Variants in PIP5K1B observed in about 807,000 individuals in gnomAD.
PIP5K1B encodes phosphatidylinositol-4-phosphate 5-kinase type 1 beta.
A neutral mutation model predicts 67.0 loss-of-function variants in PIP5K1B; 42 were observed. That is an observed-to-expected ratio of 0.63 (90% CI 0.49 to 0.81). PIP5K1B has a LOEUF of 0.81. PIP5K1B is among the 30% of genes least tolerant of loss of function. The pLI is 0.00. For synonymous variants in PIP5K1B, 214 were observed against 231.4 expected (o/e 0.92, Z 0.68); for missense variants, 459 against 646.3 (o/e 0.71, Z 3.14).
At chr9:69,001,504 T>C (rs1414821353) in intron 15 of PIP5K1B, among the ~76,000 whole-genome samples, 1 of 151,832 alleles carries the variant, frequency 6.6e-6, no homozygotes, top group Non-Finnish European at 1.5e-5. Flanking sequence ...AGGAAAGCGG[T>C]TTAATTAACT....
chr9:68,878,397 T>C (rs1824009611), intron 6 of PIP5K1B, among the ~76,000 whole-genome samples: 1 of 152,190 alleles, frequency 6.6e-6, no homozygotes, highest in Admixed American at 6.5e-5. Flanking sequence ...TTGGGGAAGA[T>C]CCTTTTCTGA....
chr9:68,763,448 T>C (rs900546806), intron 2 of PIP5K1B, among the ~76,000 whole-genome samples: 1 of 152,088 alleles, frequency 6.6e-6, no homozygotes, highest in Admixed American at 6.6e-5. Context: ...AGGCTTGATA[T>C]ATAAAAAAGC....
At chr9:68,975,239 T>G (rs1018829189) in intron 14 of PIP5K1B, among the ~76,000 whole-genome samples, 2 of 152,158 alleles carry the variant, frequency 1.3e-5, no homozygotes, top group African/African-American at 2.4e-5. Flanking sequence ...CAGCTAATGT[T>G]TATATTTTTT....
intron 4 of PIP5K1B, among the ~76,000 whole-genome samples, chr9:68,847,197 A>G (rs1375145019): frequency 6.6e-6 from 1 of 151,958 alleles, no homozygotes; most frequent in African/African-American, 2.4e-5. Context: ...CTCCTTAGCT[A>G]AATACATTCT....
intron 2 of PIP5K1B, among the ~76,000 whole-genome samples, chr9:68,769,947 T>TA (rs763927938): frequency 5.9e-5 from 9 of 152,364 alleles, no homozygotes; most frequent in Non-Finnish European, 1.2e-4. Flanking sequence ...TCCAGTTTCT[T>TA]ACCACCTGCC....
At chr9:68,955,136 G>C (rs1351552663) in intron 14 of PIP5K1B, among the ~76,000 whole-genome samples, 2 of 152,322 alleles carry the variant, frequency 1.3e-5, no homozygotes, top group South Asian at 4.1e-4. Flanking sequence ...GTGCTACAGG[G>C]TGAAAACTGC....
intron 8 of PIP5K1B, among the ~76,000 whole-genome samples, chr9:68,908,438 A>G (rs1237711521): frequency 2.9e-5 from 4 of 139,326 alleles, no homozygotes; most frequent in South Asian, 2.2e-4. Flanking sequence ...TTAAGTGTGG[A>G]AAAAAAAAAA....
chr9:68,905,330 AGGCTTTGAGGTT>A (rs1396677901), intron 8 of PIP5K1B, among the ~76,000 whole-genome samples: 1 of 152,180 alleles, frequency 6.6e-6, no homozygotes, highest in Non-Finnish European at 1.5e-5. Context: ...GTATCTGGAA[AGGCTTTGAGGTT>A]GGCTGCTGTG....
intron 9 of PIP5K1B, among the ~76,000 whole-genome samples, chr9:68,918,534 C>T (rs563381188): frequency 6.6e-6 from 1 of 152,316 alleles, no homozygotes; most frequent in East Asian, 1.9e-4. Context: ...GTAGTAACTA[C>T]AGGATTAATT....
At chr9:69,006,572 CA>C (rs1831092007) in intron 15 of PIP5K1B, among the ~76,000 whole-genome samples, 1 of 152,196 alleles carries the variant, frequency 6.6e-6, no homozygotes, top group African/African-American at 2.4e-5. Context: ...TTCAGAGACT[CA>C]AAGACAACTA....
chr9:68,783,836 A>G (rs1423717332), intron 2 of PIP5K1B: 2 of 167,076 alleles, frequency 1.2e-5, no homozygotes, highest in African/African-American at 2.4e-5. Flanking sequence ...AACTAGAGTC[A>G]TTCTTTTAAA....
chr9:68,930,174 G>A (rs1296703874), intron 12 of PIP5K1B, among the ~76,000 whole-genome samples: 2 of 152,102 alleles, frequency 1.3e-5, no homozygotes, highest in Non-Finnish European at 2.9e-5. Context: ...CTCTGACTCG[G>A]TCTCTTCTTA....
At chr9:68,943,839 C>T (rs536036736) in intron 14 of PIP5K1B, among the ~76,000 whole-genome samples, 91 of 152,280 alleles carry the variant, frequency 6.0e-4, no homozygotes, top group African/African-American at 2.1e-3. Context: ...TAGCAGTTGT[C>T]ATTCTGTCAG....
intron 1 of PIP5K1B, among the ~76,000 whole-genome samples, chr9:68,714,376 A>T (rs1827536329): frequency 6.6e-6 from 1 of 152,100 alleles, no homozygotes; most frequent in African/African-American, 2.4e-5. Flanking sequence ...ATGTCTATTG[A>T]TTTTGCTTCC....
intron 14 of PIP5K1B, among the ~76,000 whole-genome samples, chr9:68,987,811 A>G (rs768004264): frequency 6.6e-6 from 1 of 152,126 alleles, no homozygotes; most frequent in African/African-American, 2.4e-5. Flanking sequence ...AAAACATCAT[A>G]ACTCATGAGA....
At position 68,854,027 on chromosome 9, in the gene PIP5K1B, T is replaced by A. The variant is rs1437979812; in HGVS notation, c.70-9810T>A. Reference sequence around the variant, plus strand: ...TGGCTACCAAAAGCATATATAAGTTTTTATTATTATTATTATTATTATTAT... The same window carrying A: ...TGGCTACCAAAAGCATATATAAGTTATTATTATTATTATTATTATTATTAT... On this transcript the variant is annotated intron_variant, in intron 4 of 15. Transcript: ENST00000265382. Among the ~76,000 whole-genome samples the A allele has an allele frequency of 4.7e-5, 7 of 147,872 alleles. No individual in the cohort carries two copies. In the East Asian group the frequency reaches 1.4e-3, roughly 29 times the overall value.
At chr9:68,937,175 A>G (rs1306556454) in intron 13 of PIP5K1B, among the ~76,000 whole-genome samples, 1 of 152,188 alleles carries the variant, frequency 6.6e-6, no homozygotes, top group Non-Finnish European at 1.5e-5. Context: ...GAATAGTTTC[A>G]GAAGAAATGG....
At chr9:68,991,983 G>GC (rs973239879) in intron 15 of PIP5K1B, among the ~76,000 whole-genome samples, 1 of 151,986 alleles carries the variant, frequency 6.6e-6, no homozygotes, top group Non-Finnish European at 1.5e-5. Context: ...TTTTTGGGGG[G>GC]GGGCAGAGTT....
In PIP5K1B at chr9:68,914,663, C is replaced by T. The variant is rs193089619; in HGVS notation, c.772-2885C>T. 3.5e-3 allele frequency among the ~76,000 whole-genome samples: 527 copies of T among 151,888 alleles called. 1 individual carries two copies. The highest frequency in any genetic ancestry group is 0.012 in the African/African-American group (485 of 41,414). On this transcript the variant is annotated intron_variant, in intron 8 of 15. Coordinates refer to ENST00000265382, the MANE Select transcript of PIP5K1B (RefSeq NM_003558.4). Reference sequence around the variant, plus strand: ...CCGGGAGGTGGAGCTTGCAGTGAGCCGAGATTGCACCACTGCACTCCAGCC... The same window carrying T: ...CCGGGAGGTGGAGCTTGCAGTGAGCTGAGATTGCACCACTGCACTCCAGCC...
Sources: allele counts gnomAD v4.1 joint callset (sites outside exome capture counted in the v4.1 genomes callset), GRCh38; gene constraint gnomAD v4.1.1; transcripts MANE v1.5; gene names NCBI Gene and HGNC (gene_info 2026-07-23, HGNC 2026-07-21).